KAT6B: variants seen among roughly 807,000 people sequenced by gnomAD.
KAT6B encodes histone acetyltransferase KAT6B.
A neutral mutation model predicts 187.5 loss-of-function variants in KAT6B; 10 were observed. The ratio of observed to expected loss-of-function variants is 0.05; its 90% CI spans 0.03 to 0.09. The LOEUF (loss-of-function observed/expected upper bound fraction) is 0.09. Ranked by LOEUF, KAT6B falls within the 10% of genes least tolerant of loss-of-function variation. The probability of loss-of-function intolerance (pLI) is 1.00; values close to 1 mark genes in which losing one functional copy is unlikely to be tolerated. For synonymous variants in KAT6B, 861 were observed against 926.8 expected (o/e 0.93, Z 1.29); for missense variants, 1,952 against 2,558.9 (o/e 0.76, Z 5.12).
At chr10:74,929,295 C>G (rs1240715378) in intron 3 of KAT6B, among the ~76,000 whole-genome samples, 1 of 152,188 alleles carries the variant, frequency 6.6e-6, no homozygotes, top group Non-Finnish European at 1.5e-5. Flanking sequence ...TCCCAAAATA[C>G]TGGCCGCCTG....
intron 13 of KAT6B, among the ~76,000 whole-genome samples, chr10:74,991,486 T>G (rs1022308404): frequency 2.6e-5 from 4 of 152,244 alleles, no homozygotes; most frequent in Admixed American, 2.0e-4. Context: ...TTTTAACCAT[T>G]TTAGTGAAAA....
intron 3 of KAT6B, among the ~76,000 whole-genome samples, chr10:74,864,771 ATAAAG>A (rs1405021980): frequency 3.4e-4 from 51 of 152,224 alleles, no homozygotes; most frequent in Middle Eastern, 3.2e-3. Flanking sequence ...CCAACTGTAT[ATAAAG>A]TAAAGAGTAA....
chr10:74,912,143 G>A (rs999171185), intron 3 of KAT6B, among the ~76,000 whole-genome samples: 1 of 152,084 alleles, frequency 6.6e-6, no homozygotes, highest in South Asian at 2.1e-4. Flanking sequence ...AGCAGATGCT[G>A]TGCTTTTCAA....
chr10:74,878,822 G>C (rs1271036206), intron 3 of KAT6B, among the ~76,000 whole-genome samples: 1 of 152,142 alleles, frequency 6.6e-6, no homozygotes, highest in Non-Finnish European at 1.5e-5. Context: ...TGGCCAAACT[G>C]TGTGGCTCAG....
intron 10 of KAT6B, 58 bp from the exon 11 acceptor site, chr10:74,981,729 T>A: frequency 8.2e-7 from 1 of 1,222,828 alleles, no homozygotes; most frequent in East Asian, 2.3e-5. Flanking sequence ...CAATATTTAA[T>A]CTTCCCCCCA....
At chr10:74,966,103 AAGGTCATGGCC>A (rs1841447156) in intron 4 of KAT6B, among the ~76,000 whole-genome samples, 1 of 152,106 alleles carries the variant, frequency 6.6e-6, no homozygotes, top group African/African-American at 2.4e-5. Flanking sequence ...CTGTCAGGTG[AAGGTCATGGCC>A]AGGTTCTACA....
At chr10:74,933,412 T>G (rs1232034902) in intron 3 of KAT6B, among the ~76,000 whole-genome samples, 1 of 152,098 alleles carries the variant, frequency 6.6e-6, no homozygotes, top group Non-Finnish European at 1.5e-5. Context: ...GCCTGATGGG[T>G]TTTGAGTTTG....
chr10:74,896,378 G>A (rs1231924369), intron 3 of KAT6B, among the ~76,000 whole-genome samples: 9 of 152,174 alleles, frequency 5.9e-5, no homozygotes, highest in African/African-American at 1.9e-4. Context: ...TGCAACCCCC[G>A]CCTCCTGGGT....
At chr10:74,966,957 G>A (rs1397898290) in intron 4 of KAT6B, among the ~76,000 whole-genome samples, 2 of 152,192 alleles carry the variant, frequency 1.3e-5, no homozygotes, top group South Asian at 2.1e-4. Context: ...TTGAGTCTGG[G>A]AGGCTAAGGT....
At chr10:75,012,649 G>A (rs951753677) in intron 13 of KAT6B, among the ~76,000 whole-genome samples, 1 of 152,090 alleles carries the variant, frequency 6.6e-6, no homozygotes, top group Non-Finnish European at 1.5e-5. Flanking sequence ...GTCCCCTTTC[G>A]TGCTGCCTGA....
chr10:74,831,970 A>G (rs1840898581), intron 1 of KAT6B, among the ~76,000 whole-genome samples: 1 of 152,244 alleles, frequency 6.6e-6, no homozygotes, highest in Non-Finnish European at 1.5e-5. Flanking sequence ...CTGTTTTTTG[A>G]TAACATCCAA....
intron 3 of KAT6B, among the ~76,000 whole-genome samples, chr10:74,850,217 A>G (rs990347179): frequency 1.3e-5 from 2 of 152,194 alleles, no homozygotes; most frequent in African/African-American, 2.4e-5. Context: ...TATTAACAGT[A>G]AAAGTATCTC....
intron 3 of KAT6B, among the ~76,000 whole-genome samples, chr10:74,942,998 C>T (rs1849805958): frequency 6.6e-6 from 1 of 151,992 alleles, no homozygotes; most frequent in South Asian, 2.1e-4. Context: ...AATGATAATA[C>T]TAATACTATG....
In KAT6B at chr10:75,025,070, A is replaced by G. The variant is rs1340858723; in HGVS notation, c.3485A>G (p.Asn1162Ser). ...GAAGTACTGAATGAGCCCTTTGACA[A>G]CTCAGATGAAGAGAGGCCAATGCCA... ...TTEVLNEPFD[N>S]SDEERPMPQL... Residue 1162 changes from asparagine to serine, a missense_variant, in exon 17 of 18, where the codon AAC becomes AGC. Physicochemically the swap from Asn to Ser is conservative, Grantham distance 46. This residue lies in a region of KAT6B where 758 missense variants were observed against 891.4 expected (regional missense o/e 0.85). Coordinates refer to ENST00000287239, the MANE Select transcript of KAT6B (RefSeq NM_012330.4). 3 of 1,614,080 alleles carry G rather than the reference A, an allele frequency of 1.9e-6. No homozygotes were observed. Among genetic ancestry groups the G allele is most frequent in the African/African-American group, 1.3e-5 (1 of 74,920 alleles).
chr10:75,010,979 C>G (rs913214284), intron 13 of KAT6B, among the ~76,000 whole-genome samples: 2 of 152,262 alleles, frequency 1.3e-5, no homozygotes, highest in African/African-American at 4.8e-5. Context: ...TATATGTGTT[C>G]GATTAAGTTT....
At chr10:74,893,500 G>A (rs946230594) in intron 3 of KAT6B, among the ~76,000 whole-genome samples, 2 of 149,670 alleles carry the variant, frequency 1.3e-5, no homozygotes, top group African/African-American at 2.5e-5. Context: ...ACAGAGTTTC[G>A]TTCTTGTTGC....
chr10:74,929,190 A>G (rs117901502), intron 3 of KAT6B, among the ~76,000 whole-genome samples: 2,671 of 152,190 alleles, frequency 0.018, 35 homozygotes, highest in Non-Finnish European at 0.027. Context: ...GAAAGTAACT[A>G]TTTATCTTGA....
chr10:74,946,468 T>G (rs1037102866), intron 3 of KAT6B, among the ~76,000 whole-genome samples: 2 of 152,196 alleles, frequency 1.3e-5, no homozygotes, highest in Non-Finnish European at 2.9e-5. Context: ...ATTTTAGCCC[T>G]GAACTTAAAA....
intron 1 of KAT6B, among the ~76,000 whole-genome samples, chr10:74,830,365 T>A (rs1464504741): frequency 6.6e-6 from 1 of 152,172 alleles, no homozygotes; most frequent in African/African-American, 2.4e-5. Context: ...TGTCATCTGG[T>A]GCCCATGTGC....
Sources: allele counts gnomAD v4.1 joint callset (sites outside exome capture counted in the v4.1 genomes callset), GRCh38; gene constraint gnomAD v4.1.1; regional missense constraint gnomAD v4.1.1; transcripts MANE v1.5; gene names NCBI Gene and HGNC (gene_info 2026-07-23, HGNC 2026-07-21).